FOXP1: variants seen among roughly 807,000 people sequenced by gnomAD.
FOXP1 encodes the protein forkhead box protein P1.
Under a neutral mutation model 98.2 loss-of-function variants are expected in FOXP1, and 15 were observed. The ratio of observed to expected loss-of-function variants is 0.15; its 90% confidence interval spans 0.10 to 0.24. The LOEUF (loss-of-function observed/expected upper bound fraction) is 0.24, where lower values mean the gene tolerates loss of function less well. Among genes scored for constraint, FOXP1 ranks in the 10% least tolerant of loss-of-function variants. FOXP1 has a pLI of 1.00. For synonymous variants in FOXP1, 371 were observed against 314.5 expected (o/e 1.18, Z -1.90); for missense variants, 633 against 848.5 (o/e 0.75, Z 3.15).
At chr3:71,469,742 G>GT (rs2089138709) in intron 3 of FOXP1, among the ~76,000 whole-genome samples, 1 of 152,120 alleles carries the variant, frequency 6.6e-6, no homozygotes, top group African/African-American at 2.4e-5. Context: ...GCTAAAAACC[G>GT]TAAAAGCTGC....
intron 3 of FOXP1, among the ~76,000 whole-genome samples, chr3:71,464,904 T>G (rs1183659836): frequency 6.6e-6 from 1 of 152,182 alleles, no homozygotes; most frequent in African/African-American, 2.4e-5. Context: ...AGGAGCTACT[T>G]GACATCTAAC....
chr3:71,246,144 G>A (rs957256006), intron 5 of FOXP1, among the ~76,000 whole-genome samples: 1 of 152,034 alleles, frequency 6.6e-6, no homozygotes, highest in Admixed American at 6.6e-5. Context: ...TGGCCCCGAC[G>A]CTGAGAAGGC....
chr3:71,189,209 T>G (rs939846), intron 6 of FOXP1, among the ~76,000 whole-genome samples: 8,651 of 152,174 alleles, frequency 0.057, 792 homozygotes, highest in African/African-American at 0.19. Flanking sequence ...CCCACCACCT[T>G]AAAAACAAAG....
chr3:71,115,321 ATT>A, intron 6 of FOXP1, among the ~76,000 whole-genome samples: 1 of 14,598 alleles, frequency 6.9e-5, no homozygotes, highest in African/African-American at 4.5e-4. Context: ...TTATTATTTT[ATT>A]TATTTATTTA....
At chr3:71,293,230 G>A (rs1470398434) in intron 5 of FOXP1, among the ~76,000 whole-genome samples, 1 of 152,218 alleles carries the variant, frequency 6.6e-6, no homozygotes, top group Admixed American at 6.5e-5. Context: ...CATGAGGTTT[G>A]TGTTCCTAAA....
chr3:71,582,244 G>T (rs1399979931), intron 1 of FOXP1: 3 of 985,258 alleles, frequency 3.0e-6, no homozygotes, highest in African/African-American at 3.5e-5. Flanking sequence ...GGGCCAAAAA[G>T]AAGAAGGAAT....
intron 3 of FOXP1, among the ~76,000 whole-genome samples, chr3:71,486,650 A>G (rs2090674180): frequency 6.6e-6 from 1 of 152,250 alleles, no homozygotes; most frequent in East Asian, 1.9e-4. Flanking sequence ...GCTAAATGAT[A>G]GCTTATATGT....
chr3:70,966,677 C>T (rs112043713), intron 19 of FOXP1, among the ~76,000 whole-genome samples: 7,314 of 152,142 alleles, frequency 0.048, 246 homozygotes, highest in Non-Finnish European at 0.074. Flanking sequence ...TTTCAGAGTC[C>T]GACCAATTGC....
At chr3:71,102,343 C>T (rs991468861) in intron 7 of FOXP1, among the ~76,000 whole-genome samples, 7 of 152,186 alleles carry the variant, frequency 4.6e-5, no homozygotes, top group East Asian at 1.9e-4. Context: ...TAAAAGTTCC[C>T]GATCTTTTGT....
intron 5 of FOXP1, among the ~76,000 whole-genome samples, chr3:71,284,714 C>G (rs2071926814): frequency 6.6e-6 from 1 of 151,736 alleles, no homozygotes; most frequent in Non-Finnish European, 1.5e-5. Context: ...TTCCAGATGT[C>G]TTTAAGAACA....
At chr3:70,992,468 A>C (rs1377726793) in intron 13 of FOXP1, among the ~76,000 whole-genome samples, 1 of 152,212 alleles carries the variant, frequency 6.6e-6, no homozygotes, top group Admixed American at 6.5e-5. Flanking sequence ...AGCAGAACTC[A>C]AATTACTCTA....
intron 5 of FOXP1, among the ~76,000 whole-genome samples, chr3:71,268,858 G>C (rs994950666): frequency 3.3e-5 from 5 of 152,148 alleles, no homozygotes; most frequent in African/African-American, 9.7e-5. Flanking sequence ...TATTAAGAGA[G>C]AGCTTCCTGT....
At chr3:71,066,744 T>C (rs547983709) in intron 7 of FOXP1, among the ~76,000 whole-genome samples, 1 of 152,376 alleles carries the variant, frequency 6.6e-6, no homozygotes, top group East Asian at 1.9e-4. Context: ...ACTTTGAATA[T>C]GCAATGTGTT....
intron 6 of FOXP1, among the ~76,000 whole-genome samples, chr3:71,125,721 T>G (rs2593852): frequency 0.31 from 47,315 of 152,054 alleles, 7,939 homozygotes; most frequent in East Asian, 0.61. Flanking sequence ...GAAGTAAGGA[T>G]TCTCTGGGAA....
At chr3:71,545,831 T>C (rs2045312617) in intron 2 of FOXP1, among the ~76,000 whole-genome samples, 1 of 152,226 alleles carries the variant, frequency 6.6e-6, no homozygotes, top group African/African-American at 2.4e-5. Context: ...GTCCCTTTTG[T>C]TGCTGCATAT....
intron 6 of FOXP1, among the ~76,000 whole-genome samples, chr3:71,178,770 G>C (rs527881267): frequency 1.1e-4 from 17 of 152,064 alleles, no homozygotes; most frequent in Non-Finnish European, 2.2e-4. Flanking sequence ...TGTAGTCCCA[G>C]CTACTTGGGA....
At chr3:70,999,841 C>G (rs1177164892) in intron 13 of FOXP1, among the ~76,000 whole-genome samples, 2 of 152,198 alleles carry the variant, frequency 1.3e-5, no homozygotes, top group East Asian at 3.9e-4. Context: ...CTCCATATAT[C>G]TCAGCATCGC....
At chr3:71,198,144 T>C in intron 6 of FOXP1, 58 bp downstream of exon 6, 2 of 1,613,716 alleles carry the variant, frequency 1.2e-6, no homozygotes, top group Non-Finnish European at 8.5e-7. Flanking sequence ...AAGTGTAAAA[T>C]TCAGCAGTAA....
chr3:71,124,651 AAAAG>A (rs1296139521), intron 6 of FOXP1, among the ~76,000 whole-genome samples: 2 of 130,848 alleles, frequency 1.5e-5, no homozygotes, highest in African/African-American at 2.6e-5. Flanking sequence ...GTCAAAAAAA[AAAAG>A]AAAAAAAAAA....
Sources: allele counts gnomAD v4.1 joint callset (sites outside exome capture counted in the v4.1 genomes callset), GRCh38; gene constraint gnomAD v4.1.1; transcripts MANE v1.5; gene names NCBI Gene and HGNC (gene_info 2026-07-23, HGNC 2026-07-21).